ERC1: variants seen among roughly 807,000 people sequenced by gnomAD.
ERC1 encodes ELKS/RAB6-interacting/CAST family member 1.
Under a neutral mutation model 132.0 loss-of-function variants are expected in ERC1, and 56 were observed. That is an observed-to-expected ratio of 0.42 (90% CI 0.34 to 0.53). The LOEUF (loss-of-function observed/expected upper bound fraction) is 0.53, where lower values mean the gene tolerates loss of function less well. ERC1 is among the 20% of genes least tolerant of loss of function. The probability of loss-of-function intolerance (pLI) is 0.03; values close to 1 mark genes in which losing one functional copy is unlikely to be tolerated. For synonymous variants in ERC1, 478 were observed against 476.1 expected, an observed-to-expected ratio of 1.00 and a Z score of -0.05; for missense variants, 1,202 against 1,349.9, an observed-to-expected ratio of 0.89 and a Z score of 1.72.
At chr12:1,353,656 A>T (rs1402375531) in intron 15 of ERC1, among the ~76,000 whole-genome samples, 1 of 152,042 alleles carries the variant, frequency 6.6e-6, no homozygotes, top group African/African-American at 2.4e-5. Flanking sequence ...GCAAGCCGTG[A>T]TTTTCATGAA....
chr12:1,446,149 C>A (rs1055295765), intron 18 of ERC1, among the ~76,000 whole-genome samples: 1 of 152,106 alleles, frequency 6.6e-6, no homozygotes, highest in African/African-American at 2.4e-5. Flanking sequence ...TTTACTGTCA[C>A]TTGTAAAAAT....
intron 1 of ERC1, among the ~76,000 whole-genome samples, chr12:1,010,319 A>G: frequency 6.6e-6 from 1 of 151,768 alleles, no homozygotes; most frequent in Non-Finnish European, 1.5e-5. Context: ...CATCTCTACT[A>G]AAAATACAAA....
intron 12 of ERC1, among the ~76,000 whole-genome samples, chr12:1,198,867 G>GCTAAACCATGA: frequency 6.6e-6 from 1 of 152,126 alleles, no homozygotes; most frequent in East Asian, 1.9e-4. Flanking sequence ...GGGGGATGGT[G>GCTAAACCATGA]CTAAACCATG....
intron 17 of ERC1, among the ~76,000 whole-genome samples, chr12:1,436,354 C>T (rs916999753): frequency 2.0e-5 from 3 of 152,094 alleles, no homozygotes; most frequent in East Asian, 3.9e-4. Context: ...GAGAAGGAGC[C>T]GGTAAATGTG....
chr12:1,285,411 A>C (rs895000266), intron 14 of ERC1, among the ~76,000 whole-genome samples: 1 of 152,214 alleles, frequency 6.6e-6, no homozygotes, highest in African/African-American at 2.4e-5. Flanking sequence ...TGAAAACACC[A>C]AGAAAGTCAG....
chr12:1,385,100 C>T (rs955112950), intron 16 of ERC1, among the ~76,000 whole-genome samples: 1 of 152,194 alleles, frequency 6.6e-6, no homozygotes, highest in South Asian at 2.1e-4. Flanking sequence ...TTATAAAACA[C>T]GCTTAGAGAA....
rs190802300 is a variant in ERC1 at position 1,162,622 on chromosome 12, C to T, written c.1738-17918C>T. On this transcript the variant is annotated intron_variant, in intron 8 of 18. Coordinates refer to ENST00000360905, the MANE Select transcript of ERC1 (RefSeq NM_178040.4). Reference sequence around the variant, plus strand: ...TGGATAAGACAGTTGTTAGTTTGTTCACTTTTTCCATATCATAAAATCGGA... The same window carrying T: ...TGGATAAGACAGTTGTTAGTTTGTTTACTTTTTCCATATCATAAAATCGGA... Among the ~76,000 whole-genome samples the T allele has an allele frequency of 5.9e-5, 9 of 151,628 alleles. No individual in the cohort carries two copies. The East Asian group carries it at 9.7e-4, about 16-fold the overall frequency.
chr12:1,055,157 C>CT (rs572489096), intron 2 of ERC1, among the ~76,000 whole-genome samples: 4 of 151,978 alleles, frequency 2.6e-5, no homozygotes, highest in African/African-American at 9.6e-5. Context: ...CTTTCCTTTC[C>CT]TTTTTTCTTT....
chr12:1,024,300 G>T (rs1209203093), intron 1 of ERC1, among the ~76,000 whole-genome samples: 2 of 152,266 alleles, frequency 1.3e-5, no homozygotes, highest in East Asian at 1.9e-4. Context: ...AGAAGTGCTT[G>T]AGCCTGGGAG....
chr12:1,319,486 A>T (rs2081977106), intron 15 of ERC1, among the ~76,000 whole-genome samples: 1 of 152,194 alleles, frequency 6.6e-6, no homozygotes, highest in Non-Finnish European at 1.5e-5. Flanking sequence ...TTTATGTACT[A>T]AGCTCTCTGT....
rs545712789 is a variant in ERC1, at chr12:1,210,673, G to C, written c.2351+20621G>C. ...TTCTGGTGTGTTTGGGATAGTTGCT[G>C]TCAATGGCTACAAAAGACAGTTTTA... On this transcript the variant is annotated intron_variant, in intron 12 of 18. Transcript: ENST00000360905. 3.3e-5 allele frequency among the ~76,000 whole-genome samples: 5 copies of C among 152,282 alleles called. No homozygotes were observed. The South Asian group carries it at 1.0e-3, about 32-fold the overall frequency.
intron 12 of ERC1, among the ~76,000 whole-genome samples, chr12:1,214,733 T>A (rs1958235187): frequency 6.6e-6 from 1 of 151,834 alleles, no homozygotes; most frequent in Non-Finnish European, 1.5e-5. Flanking sequence ...AAAGGATATG[T>A]TAGTAACCTC....
chr12:1,369,455 T>C (rs960140589), intron 15 of ERC1, among the ~76,000 whole-genome samples: 9 of 152,220 alleles, frequency 5.9e-5, no homozygotes, highest in African/African-American at 2.2e-4. Flanking sequence ...TCTAATTAGG[T>C]AGAGTAACTT....
At chr12:1,478,583 G>A (rs369992738) in intron 18 of ERC1, among the ~76,000 whole-genome samples, 295 of 152,188 alleles carry the variant, frequency 1.9e-3, no homozygotes, top group African/African-American at 6.9e-3. Flanking sequence ...CACGAGGTCA[G>A]GAGATCGAGA....
intron 15 of ERC1, among the ~76,000 whole-genome samples, chr12:1,314,268 A>G (rs925686921): frequency 2.0e-5 from 3 of 152,230 alleles, no homozygotes; most frequent in Admixed American, 1.3e-4. Context: ...GGCAAAGAAT[A>G]TAATCAAGCA....
chr12:1,248,016 G>A (rs1489974161), intron 13 of ERC1, among the ~76,000 whole-genome samples: 1 of 152,056 alleles, frequency 6.6e-6, no homozygotes, highest in African/African-American at 2.4e-5. Flanking sequence ...AAAATAAAAA[G>A]GATGTAGCTA....
At chr12:1,274,154 A>G (rs2078077824) in intron 14 of ERC1, among the ~76,000 whole-genome samples, 1 of 152,218 alleles carries the variant, frequency 6.6e-6, no homozygotes, top group Non-Finnish European at 1.5e-5. Flanking sequence ...AGTCATCTAC[A>G]TTAGATGTCC....
At chr12:1,463,884 A>G (rs2093690423) in intron 18 of ERC1, among the ~76,000 whole-genome samples, 1 of 152,136 alleles carries the variant, frequency 6.6e-6, no homozygotes. Flanking sequence ...ATCTCTGGCA[A>G]GGAAAAGCTT....
At chr12:1,009,715 G>T (rs1464283151) in intron 1 of ERC1, among the ~76,000 whole-genome samples, 1 of 152,048 alleles carries the variant, frequency 6.6e-6, no homozygotes, top group African/African-American at 2.4e-5. Flanking sequence ...AGTTATACAT[G>T]TTAATTATAA....
Sources: gnomAD v4.1 joint callset for allele counts (sites outside exome capture counted in the v4.1 genomes callset) on GRCh38, gnomAD v4.1.1 for gene constraint, MANE v1.5 for transcripts, NCBI Gene and HGNC (gene_info 2026-07-23, HGNC 2026-07-21) for gene names.